ENO4: variants seen among roughly 807,000 people sequenced by gnomAD.
The protein encoded by ENO4 is 2-phospho-D-glycerate hydro-lyase.
In ENO4, 53 loss-of-function variants were observed where a neutral mutation model predicts 63.2. The observed-to-expected ratio is 0.84, with a 90% CI of 0.67 to 1.05. The LOEUF (loss-of-function observed/expected upper bound fraction) is 1.05. Ranked by LOEUF, ENO4 falls within the 50% of genes least tolerant of loss-of-function variation. ENO4 has a pLI of 0.00. For missense variants in ENO4, 719 were observed against 772.0 expected (o/e 0.93, Z 0.81); for synonymous variants, 266 against 283.8 (o/e 0.94, Z 0.63).
intron 5 of ENO4, 38 bp downstream of exon 5, chr10:116,861,001 G>A (rs1292657157): frequency 5.2e-6 from 8 of 1,525,366 alleles, no homozygotes; most frequent in Non-Finnish European, 7.1e-6. Flanking sequence ...GGAGCCATGA[G>A]TATCTCAATA....
downstream of ENO4, among the ~76,000 whole-genome samples, chr10:116,886,770 GAAGA>G (rs956922910): frequency 6.6e-6 from 1 of 152,210 alleles, no homozygotes; most frequent in African/African-American, 2.4e-5. Context: ...CACAAGGCCA[GAAGA>G]AAGAAGGCAG....
At chr10:116,904,868 C>T (rs894951479) in intron 10 of ENO4, among the ~76,000 whole-genome samples, 15 of 152,212 alleles carry the variant, frequency 9.9e-5, no homozygotes, top group African/African-American at 3.1e-4. Flanking sequence ...AAAATGTGAA[C>T]GACAGAGCAC....
chr10:116,880,049 AG>A, intron 13 of ENO4, 63 bp downstream of exon 13: 3 of 1,298,828 alleles, frequency 2.3e-6, no homozygotes, highest in South Asian at 1.3e-5. Flanking sequence ...AGATTGGAAG[AG>A]GGGGAATAGA....
chr10:116,872,676 A>G (rs1018880895), intron 9 of ENO4, among the ~76,000 whole-genome samples: 1 of 152,142 alleles, frequency 6.6e-6, no homozygotes, highest in African/African-American at 2.4e-5. Context: ...AAACTAATAC[A>G]CTTCCCAATT....
chr10:116,857,321 C>G (rs1846291841), intron 3 of ENO4, among the ~76,000 whole-genome samples: 1 of 152,118 alleles, frequency 6.6e-6, no homozygotes, highest in Non-Finnish European at 1.5e-5. Context: ...CACCTGTGAG[C>G]TCCTCATATC....
downstream of ENO4, chr10:116,911,821 T>C (rs1348279303): frequency 1.9e-6 from 3 of 1,612,976 alleles, no homozygotes; most frequent in South Asian, 2.2e-5. Context: ...CACTGCACTT[T>C]CGCAGCCTTT....
rs549369386 is a variant in ENO4, at chr10:116,877,310, A to G, written c.1537+1050A>G. 7.9e-4 allele frequency among the ~76,000 whole-genome samples: 120 copies of G among 152,300 alleles called. 3 individuals are homozygous for G. In the South Asian group the frequency reaches 0.024, roughly 30 times the overall value. ...CCACAGCTCTTTCTTCCACATAGGC[A>G]TGGCCCAAGTACATAGTAAGGATGT... On this transcript the variant is annotated intron_variant, in intron 11 of 13. Transcript: ENST00000341276.
intron 7 of ENO4, among the ~76,000 whole-genome samples, chr10:116,868,011 G>T (rs192167018): frequency 6.6e-6 from 1 of 152,162 alleles, no homozygotes; most frequent in Non-Finnish European, 1.5e-5. Context: ...TACACGCTGA[G>T]CATCCTTTAA....
intron 4 of ENO4, among the ~76,000 whole-genome samples, chr10:116,860,141 GAACCAC>G: frequency 6.6e-6 from 1 of 152,346 alleles, no homozygotes; most frequent in East Asian, 1.9e-4. Context: ...CTGGGGACCT[GAACCAC>G]ATCCGCAGCT....
At chr10:116,905,910 C>G (rs1847950991) in intron 10 of ENO4, among the ~76,000 whole-genome samples, 1 of 152,156 alleles carries the variant, frequency 6.6e-6, no homozygotes, top group African/African-American at 2.4e-5. Flanking sequence ...ATTTTGAGGC[C>G]TAATACAGAC....
chr10:116,881,752 G>A lies in ENO4; in HGVS notation c.*83G>A. On this transcript the variant is annotated 3_prime_UTR_variant, in exon 14 of 14. Transcript: ENST00000341276. The stretch of plus-strand genomic sequence containing the variant: ...GAAGTACGGCGCCGTGTCTCCACAT[G>A]GAGTTTCCTCTTCAACTTCACCAAC... 1 of 1,083,740 alleles carries A rather than the reference G, an allele frequency of 9.2e-7. No individual in the cohort carries two copies. The highest frequency in any genetic ancestry group is 1.2e-6 in the Non-Finnish European group (1 of 823,444). 67.1% of individuals were successfully genotyped at this position (1,083,740 alleles called of 1,614,324 possible).
chr10:116,901,172 A>G, intron 10 of ENO4: 1 of 985,478 alleles, frequency 1.0e-6, no homozygotes, highest in Non-Finnish European at 1.2e-6. Flanking sequence ...AAGAGCTGCC[A>G]TTGTTATAAA....
chr10:116,863,878 C>A (rs1846484180), intron 7 of ENO4, among the ~76,000 whole-genome samples: 1 of 152,162 alleles, frequency 6.6e-6, no homozygotes, highest in Non-Finnish European at 1.5e-5. Flanking sequence ...TTCTGGGTGA[C>A]CAGCCTGTAG....
rs1316390078 is a variant in ENO4 at position 116,879,993 on chromosome 10, G to T, written c.1723+7G>T. ...GTCCAGAATGGAACACTGGGTATGC[G>T]CTGCTTTCTTGCTTTGTTTCCACTT... On this transcript the variant is annotated splice_region_variant and intron_variant, in intron 13 of 13. Coordinates refer to ENST00000341276, the MANE Select transcript of ENO4 (RefSeq NM_001242699.2). 7.9e-6 allele frequency: 12 copies of T among 1,528,096 alleles called. No individual in the cohort carries two copies. The allele number at this position is 1,528,096 out of a possible 1,614,324, so 94.7% of individuals were successfully genotyped here. A position where few individuals can be genotyped will look rare whatever the true frequency, so the allele number is the denominator to read the frequency against.
intron 1 of ENO4, among the ~76,000 whole-genome samples, chr10:116,854,553 C>CT (rs776540338): frequency 7.9e-6 from 1 of 125,908 alleles, no homozygotes; most frequent in African/African-American, 3.8e-5. Flanking sequence ...GAGTGAGACT[C>CT]TGTCTTAAAA....
intron 10 of ENO4, among the ~76,000 whole-genome samples, chr10:116,904,767 A>G (rs1444104918): frequency 6.6e-6 from 1 of 152,178 alleles, no homozygotes; most frequent in Non-Finnish European, 1.5e-5. Flanking sequence ...TTGAAAACTA[A>G]CTCTGAAATG....
At chr10:116,850,017 G>C in intron 1 of ENO4, 1 of 594,058 alleles carries the variant, frequency 1.7e-6, no homozygotes, top group Non-Finnish European at 3.0e-6. Flanking sequence ...AGGCTTCCTC[G>C]CTGCCTAAGA....
intron 1 of ENO4, among the ~76,000 whole-genome samples, chr10:116,854,973 GAAAGAA>G (rs1387268991): frequency 1.5e-4 from 18 of 118,316 alleles, no homozygotes; most frequent in African/African-American, 5.5e-4. Flanking sequence ...AAAAAAGAAA[GAAAGAA>G]AAAGAAAAGA....
chr10:116,878,169 T>C (rs1164173861), intron 11 of ENO4, among the ~76,000 whole-genome samples: 2 of 152,208 alleles, frequency 1.3e-5, no homozygotes, highest in East Asian at 1.9e-4. Flanking sequence ...CAAACTGAGT[T>C]CATGGGCATC....
Sources: gnomAD v4.1 joint callset for allele counts (sites outside exome capture counted in the v4.1 genomes callset) on GRCh38, gnomAD v4.1.1 for gene constraint, MANE v1.5 for transcripts, NCBI Gene and HGNC (gene_info 2026-07-23, HGNC 2026-07-21) for gene names.